Variants in TMPRSS15 observed in about 807,000 individuals in gnomAD.
The protein encoded by TMPRSS15 is enteropeptidase.
Under a neutral mutation model 125.3 loss-of-function variants are expected in TMPRSS15, and 128 were observed. The ratio of observed to expected loss-of-function variants is 1.02; its 90% CI spans 0.89 to 1.18. TMPRSS15 has a LOEUF of 1.18. Ranked by LOEUF, TMPRSS15 falls within the 50% of genes most tolerant of loss-of-function variation. The pLI is 0.00. For synonymous variants in TMPRSS15, 446 were observed against 423.2 expected (o/e 1.05, Z -0.66); for missense variants, 1,283 against 1,212.7 (o/e 1.06, Z -0.86).
chr21:18,407,717 CA>C (rs1419673564), upstream of TMPRSS15, among the ~76,000 whole-genome samples: 9 of 152,030 alleles, frequency 5.9e-5, no homozygotes, highest in Non-Finnish European at 1.0e-4. Flanking sequence ...GTAGAAGTTA[CA>C]AAAATGTCCC....
chr21:18,315,756 G>A (rs71319684), intron 16 of TMPRSS15, among the ~76,000 whole-genome samples: 4,631 of 85,904 alleles, frequency 0.054, 284 homozygotes, highest in Non-Finnish European at 0.078. Flanking sequence ...TGACGAGTTA[G>A]TGGGTGCAGC....
intron 8 of TMPRSS15, among the ~76,000 whole-genome samples, chr21:18,356,965 A>C (rs1221125570): frequency 1.3e-5 from 2 of 151,792 alleles, no homozygotes; most frequent in African/African-American, 4.8e-5. Flanking sequence ...GTGGGAATGG[A>C]ATACCAGCTA....
intron 3 of TMPRSS15, among the ~76,000 whole-genome samples, chr21:18,389,540 A>T (rs1031916035): frequency 7.2e-5 from 11 of 152,132 alleles, no homozygotes; most frequent in Non-Finnish European, 7.4e-5. Context: ...AAATATAGTG[A>T]ATTTGCCACT....
intron 1 of TMPRSS15, among the ~76,000 whole-genome samples, chr21:18,450,085 T>C (rs1160138565): frequency 6.6e-6 from 1 of 152,172 alleles, no homozygotes; most frequent in Non-Finnish European, 1.5e-5. Flanking sequence ...ATTACTTGAA[T>C]GCAAACTCCA....
At chr21:18,315,055 A>C in intron 17 of TMPRSS15, 91 bp downstream of exon 17, 2 of 1,040,194 alleles carry the variant, frequency 1.9e-6, no homozygotes, top group Non-Finnish European at 3.0e-6. Context: ...AACAGGTCCT[A>C]ATAGACACAG....
chr21:18,297,875 GA>G, intron 18 of TMPRSS15, 46 bp from the exon 19 acceptor site: 1 of 1,428,666 alleles, frequency 7.0e-7, no homozygotes, highest in South Asian at 1.2e-5. Flanking sequence ...AAAGCATAAA[GA>G]AAAGACCATA....
intron 10 of TMPRSS15, among the ~76,000 whole-genome samples, chr21:18,349,931 C>G (rs1309087750): frequency 6.6e-6 from 1 of 152,100 alleles, no homozygotes; most frequent in African/African-American, 2.4e-5. Context: ...TACTTTATCT[C>G]TTATTAGGAT....
At chr21:18,325,071 G>A (rs188285064) in intron 16 of TMPRSS15, among the ~76,000 whole-genome samples, 278 of 150,442 alleles carry the variant, frequency 1.8e-3, no homozygotes, top group African/African-American at 6.3e-3. Flanking sequence ...TTAAATTCTC[G>A]CCACACACAC....
intron 1 of TMPRSS15, among the ~76,000 whole-genome samples, chr21:18,431,571 T>C (rs1311536814): frequency 1.3e-5 from 2 of 152,188 alleles, no homozygotes; most frequent in Non-Finnish European, 2.9e-5. Context: ...CATTTTAAAT[T>C]ATTGTATATA....
At position 18,319,506 on chromosome 21, in the gene TMPRSS15, GA is replaced by G. The variant is rs564616526; in HGVS notation, c.1922-4251del. Reference sequence around the variant, plus strand: ...TACAATGGCGCCATCTCGGCTCACTGAAACCTCCGCCTCCCGGGTTCAAGTG... The same window carrying G: ...TACAATGGCGCCATCTCGGCTCACTGAACCTCCGCCTCCCGGGTTCAAGTG... On this transcript the variant is annotated intron_variant, in intron 16 of 24. Transcript: ENST00000284885. Among the ~76,000 whole-genome samples, 379 of 140,040 alleles carry G rather than the reference GA, an allele frequency of 2.7e-3. 1 individual carries two copies. Among genetic ancestry groups the G allele is most frequent in the African/African-American group, 9.6e-3 (358 of 37,402 alleles). 91.9% of individuals were successfully genotyped at this position (140,040 alleles called of 152,430 possible). A position where few individuals can be genotyped will look rare whatever the true frequency, so the allele number is the denominator to read the frequency against.
At position 18,326,490 on chromosome 21, in the gene TMPRSS15, C is replaced by T. The variant is rs1489121682; in HGVS notation, c.1863G>A (p.Val621=). 6.2e-7 allele frequency: 1 copy of T among 1,614,040 alleles called. No individual in the cohort carries two copies. Among genetic ancestry groups the T allele is most frequent in the Admixed American group, 1.7e-5 (1 of 60,006 alleles). ...RMTVLLITND[V]LARGGFKANF... is the part of the protein sequence containing the mutation. Reference sequence around the variant, plus strand: ...TTGCTTTAAACCCTCCTCTTGCCAACACATCGTTAGTGATGAGAAGCACAG... The same window carrying T: ...TTGCTTTAAACCCTCCTCTTGCCAATACATCGTTAGTGATGAGAAGCACAG... Residue 621 remains valine (V), a synonymous_variant, in exon 16 of 25, where the codon GTG becomes GTA. Transcript: ENST00000284885.
chr21:18,338,973 C>T (rs2075421004), intron 13 of TMPRSS15, among the ~76,000 whole-genome samples: 1 of 152,224 alleles, frequency 6.6e-6, no homozygotes, highest in African/African-American at 2.4e-5. Context: ...TATCTGCACG[C>T]TTCCTTAAAG....
chr21:18,343,606 T>C lies in TMPRSS15; in HGVS notation c.1328A>G (p.Asn443Ser), dbSNP rs768413094. 19 of 1,613,510 alleles carry C rather than the reference T, an allele frequency of 1.2e-5. No homozygotes were observed. Among genetic ancestry groups the C allele is most frequent in the African/African-American group, 1.3e-5 (1 of 74,932 alleles). Reference sequence around the variant, plus strand: ...AACTGTCTTCTCCATATTTTGGTCATTGCTGATATTAATGCTTAATTTATG... The same window carrying C: ...AACTGTCTTCTCCATATTTTGGTCACTGCTGATATTAATGCTTAATTTATG... Reference protein sequence around the residue: ...NVHKLSINISNDQNMEKTVFQ... With the variant: ...NVHKLSINISSDQNMEKTVFQ... Residue 443 changes from asparagine (N) to serine (S), a missense_variant, in exon 12 of 25, where the codon AAT (asparagine) becomes AGT (serine). Transcript: ENST00000284885.
chr21:18,369,370 A>G (rs1057233669), intron 6 of TMPRSS15, among the ~76,000 whole-genome samples: 1 of 152,208 alleles, frequency 6.6e-6, no homozygotes, highest in Non-Finnish European at 1.5e-5. Flanking sequence ...ACACTTGCCA[A>G]CTTCCAAAGA....
chr21:18,422,845 A>C (rs1028253563), intron 1 of TMPRSS15, among the ~76,000 whole-genome samples: 1 of 152,140 alleles, frequency 6.6e-6, no homozygotes, highest in Admixed American at 6.5e-5. Context: ...CAAATAAGAG[A>C]AACTTGTGAG....
At chr21:18,440,175 C>G (rs981616032) in intron 1 of TMPRSS15, among the ~76,000 whole-genome samples, 1 of 151,430 alleles carries the variant, frequency 6.6e-6, no homozygotes, top group South Asian at 2.1e-4. Context: ...GAGATTGAGA[C>G]CATCCTGGCT....
At chr21:18,419,435 C>T (rs919009171) in intron 1 of TMPRSS15, among the ~76,000 whole-genome samples, 1 of 152,108 alleles carries the variant, frequency 6.6e-6, no homozygotes, top group African/African-American at 2.4e-5. Flanking sequence ...CCGTGTTAGA[C>T]CGGATGGTCT....
chr21:18,404,288 C>T (rs1057410037), upstream of TMPRSS15, among the ~76,000 whole-genome samples: 3 of 152,182 alleles, frequency 2.0e-5, no homozygotes, highest in African/African-American at 7.2e-5. Context: ...GGAAAGTACA[C>T]TTAAACAAGG....
chr21:18,308,330 GT>G (rs2075058289), intron 18 of TMPRSS15, among the ~76,000 whole-genome samples: 1 of 151,292 alleles, frequency 6.6e-6, no homozygotes, highest in South Asian at 2.1e-4. Flanking sequence ...AGCTCCCCAT[GT>G]TTAAAGAGTT....
Sources: allele counts gnomAD v4.1 joint callset (sites outside exome capture counted in the v4.1 genomes callset), GRCh38; gene constraint gnomAD v4.1.1; transcripts MANE v1.5; gene names NCBI Gene and HGNC (gene_info 2026-07-23, HGNC 2026-07-21).